Variants in DLG2 observed in about 807,000 individuals in gnomAD.
The protein encoded by DLG2 is disks large homolog 2.
In DLG2, 45 loss-of-function variants were observed where a neutral mutation model predicts 132.5. The observed-to-expected ratio is 0.34, with a 90% CI of 0.27 to 0.44. The LOEUF (loss-of-function observed/expected upper bound fraction) is 0.44, where lower values mean the gene tolerates loss of function less well. Among genes scored for constraint, DLG2 ranks in the 20% least tolerant of loss-of-function variants. DLG2 has a pLI of 1.00. For missense variants in DLG2, 1,045 were observed against 1,196.9 expected, an observed-to-expected ratio of 0.87 and a Z score of 1.87; for synonymous variants, 424 against 419.6, an observed-to-expected ratio of 1.01 and a Z score of -0.13.
chr11:84,028,480 AT>A (rs35310534), intron 11 of DLG2, among the ~76,000 whole-genome samples: 39,217 of 151,882 alleles, frequency 0.26, 5,313 homozygotes, highest in East Asian at 0.43. Flanking sequence ...CCATGAAATA[AT>A]TTTTTTTGAA....
intron 6 of DLG2, among the ~76,000 whole-genome samples, chr11:85,006,582 T>C (rs997984856): frequency 3.3e-5 from 5 of 152,202 alleles, no homozygotes; most frequent in African/African-American, 1.2e-4. Flanking sequence ...GTCCCCATTG[T>C]CATTTTTTAT....
chr11:83,837,596 T>C (rs972669418), intron 16 of DLG2, among the ~76,000 whole-genome samples: 1 of 151,924 alleles, frequency 6.6e-6, no homozygotes, highest in African/African-American at 2.4e-5. Flanking sequence ...CCGGTTCTAT[T>C]AGTCTACCTG....
chr11:83,860,287 A>C (rs1389428788), intron 16 of DLG2, among the ~76,000 whole-genome samples: 1 of 152,120 alleles, frequency 6.6e-6, no homozygotes, highest in African/African-American at 2.4e-5. Flanking sequence ...GACACTCAAT[A>C]CCAGCCCATG....
chr11:83,887,348 GAAGA>G (rs2068221600), intron 15 of DLG2, among the ~76,000 whole-genome samples: 1 of 151,912 alleles, frequency 6.6e-6, no homozygotes, highest in Admixed American at 6.5e-5. Context: ...AGAAAATCTA[GAAGA>G]AATGGATAAA....
chr11:84,047,103 G>T (rs1370545822), intron 11 of DLG2, among the ~76,000 whole-genome samples: 1 of 151,634 alleles, frequency 6.6e-6, no homozygotes, highest in African/African-American at 2.4e-5. Flanking sequence ...GTCAGTATCA[G>T]TCAGCAGAGG....
chr11:84,992,840 T>A (rs890146701), intron 6 of DLG2, among the ~76,000 whole-genome samples: 1 of 152,180 alleles, frequency 6.6e-6, no homozygotes, highest in African/African-American at 2.4e-5. Context: ...TTCTGTAGGT[T>A]GTCTGTCATT....
At chr11:84,616,474 G>C (rs1032512379) in intron 6 of DLG2, among the ~76,000 whole-genome samples, 5 of 152,060 alleles carry the variant, frequency 3.3e-5, no homozygotes, top group Non-Finnish European at 7.4e-5. Context: ...ATAGTTGCAT[G>C]ACCGTACAGT....
At chr11:84,606,949 C>T (rs1228451260) in intron 6 of DLG2, among the ~76,000 whole-genome samples, 1 of 152,134 alleles carries the variant, frequency 6.6e-6, no homozygotes, top group Non-Finnish European at 1.5e-5. Context: ...TTATTTACTA[C>T]AAGTGTCATA....
chr11:84,091,780 G>A (rs1232960460), intron 10 of DLG2, among the ~76,000 whole-genome samples: 1 of 152,196 alleles, frequency 6.6e-6, no homozygotes, highest in Non-Finnish European at 1.5e-5. Context: ...ATGCACTGAT[G>A]TGTCAGCTGG....
chr11:83,906,897 T>G (rs61901822), intron 15 of DLG2, among the ~76,000 whole-genome samples: 14,630 of 152,214 alleles, frequency 0.096, 831 homozygotes, highest in Middle Eastern at 0.2. Context: ...TTCAAGTTTA[T>G]CGGTAACATA....
At chr11:84,981,686 T>TA (rs934782997) in intron 6 of DLG2, among the ~76,000 whole-genome samples, 15 of 151,972 alleles carry the variant, frequency 9.9e-5, no homozygotes, top group African/African-American at 3.1e-4. Flanking sequence ...CCTTTCTACC[T>TA]AAAAAAAATA....
intron 3 of DLG2, among the ~76,000 whole-genome samples, chr11:85,380,330 A>G (rs1173773126): frequency 6.6e-6 from 1 of 152,188 alleles, no homozygotes; most frequent in Non-Finnish European, 1.5e-5. Context: ...ATTAAGGTAA[A>G]TTCTGGTCAA....
chr11:85,417,100 A>G (rs1011723008), intron 3 of DLG2, among the ~76,000 whole-genome samples: 1 of 152,112 alleles, frequency 6.6e-6, no homozygotes, highest in Non-Finnish European at 1.5e-5. Flanking sequence ...AGCTCTTATT[A>G]TTTTGAGATA....
intron 18 of DLG2, among the ~76,000 whole-genome samples, chr11:83,782,758 T>C (rs1434431352): frequency 2.0e-5 from 3 of 151,938 alleles, no homozygotes; most frequent in Non-Finnish European, 2.9e-5. Context: ...TGGCTGGGAA[T>C]ATATTGTGAA....
At chr11:85,583,126 G>GTATATATA (rs1163054982) in intron 3 of DLG2, among the ~76,000 whole-genome samples, 27 of 34,272 alleles carry the variant, frequency 7.9e-4, no homozygotes, top group Non-Finnish European at 1.2e-3. Context: ...GTGTGTGTGT[G>GTATATATA]TGTGTATATA....
At chr11:85,143,446 G>A (rs897322139) in intron 5 of DLG2, among the ~76,000 whole-genome samples, 15 of 151,266 alleles carry the variant, frequency 9.9e-5, no homozygotes, top group African/African-American at 3.4e-4. Flanking sequence ...TTCTCAGTCT[G>A]GCTAAAAGTT....
intron 5 of DLG2, among the ~76,000 whole-genome samples, chr11:85,135,460 G>A (rs969093362): frequency 1.3e-5 from 2 of 152,118 alleles, no homozygotes; most frequent in African/African-American, 2.4e-5. Context: ...TGATACCTTC[G>A]GAACTTCATT....
chr11:84,256,357 T>C (rs1432155003), intron 7 of DLG2, among the ~76,000 whole-genome samples: 1 of 152,112 alleles, frequency 6.6e-6, no homozygotes, highest in African/African-American at 2.4e-5. Flanking sequence ...GTAGAGTAGC[T>C]AGTCAGCCAA....
At chr11:85,596,179 G>C (rs1215147169) in intron 3 of DLG2, among the ~76,000 whole-genome samples, 1 of 152,086 alleles carries the variant, frequency 6.6e-6, no homozygotes, top group East Asian at 1.9e-4. Flanking sequence ...CATGAGGTCA[G>C]GAAATCAAGA....
Sources: gnomAD v4.1 joint callset for allele counts (sites outside exome capture counted in the v4.1 genomes callset) on GRCh38, gnomAD v4.1.1 for gene constraint, MANE v1.5 for transcripts, NCBI Gene and HGNC (gene_info 2026-07-23, HGNC 2026-07-21) for gene names.